The following ARHGEF33 variants were observed in gnomAD, a reference collection of about 807,000 sequenced individuals.
ARHGEF33 encodes Rho guanine nucleotide exchange factor 33.
ARHGEF33 carries 72 observed loss-of-function variants against 101.9 expected under a neutral mutation model. That is an observed-to-expected ratio of 0.71 (90% CI 0.58 to 0.86). ARHGEF33 has a LOEUF of 0.86. Ranked by LOEUF, ARHGEF33 falls within the 40% of genes least tolerant of loss-of-function variation. ARHGEF33 has a pLI of 0.00. For synonymous variants in ARHGEF33, 499 were observed against 442.5 expected (o/e 1.13, Z -1.60); for missense variants, 1,169 against 1,111.3 (o/e 1.05, Z -0.74).
intron 2 of ARHGEF33, among the ~76,000 whole-genome samples, chr2:38,915,274 A>C (rs1170364309): frequency 2.6e-5 from 4 of 152,182 alleles, no homozygotes; most frequent in Non-Finnish European, 5.9e-5. Context: ...AAAAATATTA[A>C]CAGGCAATAC....
At position 38,960,387 on chromosome 2, in the gene ARHGEF33, G is replaced by C; in HGVS notation, c.2082G>C (p.Ala694=). The part of the protein sequence containing the change: ...AGSSSAYKLE[A]AAQAHGKAKP... The stretch of plus-strand genomic sequence containing the variant: ...GCAGCAGCGCCTACAAACTGGAGGC[G>C]GCGGCGCAGGCGCACGGCAAGGCCA... The change falls in exon 16 of 18, where the codon GCG becomes GCC. Residue 694 remains alanine (A), a synonymous_variant. Transcript: ENST00000409978. 5 of 1,510,656 alleles carry C rather than the reference G, an allele frequency of 3.3e-6. No homozygotes were observed. Among genetic ancestry groups the C allele is most frequent in the Non-Finnish European group, 4.4e-6 (5 of 1,135,688 alleles). 93.6% of individuals were successfully genotyped at this position (1,510,656 alleles called of 1,614,324 possible).
At chr2:38,944,981 C>G (rs1252334312) in intron 10 of ARHGEF33, among the ~76,000 whole-genome samples, 2 of 151,756 alleles carry the variant, frequency 1.3e-5, no homozygotes. Flanking sequence ...TGTTCATAGT[C>G]TAGATTTTTT....
intron 17 of ARHGEF33, among the ~76,000 whole-genome samples, chr2:38,966,433 A>G (rs566899386): frequency 4.6e-5 from 7 of 152,278 alleles, no homozygotes; most frequent in Admixed American, 1.3e-4. Flanking sequence ...GGTTCCCTTG[A>G]GAAATGAGCT....
At chr2:38,943,812 A>G (rs567767936) in intron 9 of ARHGEF33, 89 bp from the exon 10 acceptor site, 3 of 1,330,986 alleles carry the variant, frequency 2.3e-6, no homozygotes, top group Admixed American at 2.7e-5. Flanking sequence ...ATTGCTTTCA[A>G]TATCCTTTTA....
At chr2:38,905,781 C>T (rs2124982629) in intron 2 of ARHGEF33, among the ~76,000 whole-genome samples, 1 of 152,176 alleles carries the variant, frequency 6.6e-6, no homozygotes, top group South Asian at 2.1e-4. Flanking sequence ...GCGTGTGTGC[C>T]CTGTTAGATC....
chr2:38,897,849 G>A (rs193129199), intron 2 of ARHGEF33, among the ~76,000 whole-genome samples: 1 of 152,198 alleles, frequency 6.6e-6, no homozygotes, highest in African/African-American at 2.4e-5. Flanking sequence ...CTAGCCTGGT[G>A]CAGGGGAAGG....
chr2:38,961,247 T>A (rs1322938400), intron 16 of ARHGEF33, among the ~76,000 whole-genome samples: 1 of 152,222 alleles, frequency 6.6e-6, no homozygotes, highest in African/African-American at 2.4e-5. Flanking sequence ...GCTTTTCTTT[T>A]GACTGGAAAA....
chr2:38,951,748 A>G (rs982050538), intron 11 of ARHGEF33, among the ~76,000 whole-genome samples: 2 of 151,942 alleles, frequency 1.3e-5, no homozygotes, highest in Non-Finnish European at 2.9e-5. Context: ...ACATGCATAT[A>G]TATATACACA....
At chr2:38,949,154 C>A (rs1039024775) in intron 10 of ARHGEF33, among the ~76,000 whole-genome samples, 26 of 152,128 alleles carry the variant, frequency 1.7e-4, no homozygotes, top group Non-Finnish European at 3.2e-4. Context: ...TTGAAAAAAA[C>A]CTCCTCTCGA....
intron 16 of ARHGEF33, among the ~76,000 whole-genome samples, chr2:38,962,951 G>A (rs1341425072): frequency 6.6e-6 from 1 of 151,358 alleles, no homozygotes; most frequent in African/African-American, 2.4e-5. Flanking sequence ...GTGAACCCGG[G>A]AGGTGGAGCT....
intron 11 of ARHGEF33, 34 bp downstream of exon 11, chr2:38,951,155 TTATACGGA>T: frequency 6.5e-7 from 1 of 1,544,052 alleles, no homozygotes; most frequent in South Asian, 1.2e-5. Context: ...TACATTTTAC[TTATACGGA>T]TTTGTGTCTC....
At chr2:38,910,966 A>G (rs747592013) in intron 2 of ARHGEF33, among the ~76,000 whole-genome samples, 1 of 152,198 alleles carries the variant, frequency 6.6e-6, no homozygotes, top group Non-Finnish European at 1.5e-5. Context: ...CTTTGGGCAA[A>G]TAATTTGTAT....
chr2:38,913,727 G>T (rs1408627422), intron 2 of ARHGEF33, among the ~76,000 whole-genome samples: 1 of 151,006 alleles, frequency 6.6e-6, no homozygotes, highest in Non-Finnish European at 1.5e-5. Flanking sequence ...AGTGAACCGA[G>T]ATCATGCCAC....
At chr2:38,909,691 A>G (rs1306231329) in intron 2 of ARHGEF33, among the ~76,000 whole-genome samples, 2 of 138,404 alleles carry the variant, frequency 1.4e-5, no homozygotes, top group African/African-American at 2.6e-5. Context: ...TTAAATTGCT[A>G]TGTATTCAAG....
At chr2:38,928,771 A>G (rs1666929340) in intron 4 of ARHGEF33, 136 bp from the exon 5 acceptor site, 2 of 741,660 alleles carry the variant, frequency 2.7e-6, no homozygotes, top group South Asian at 4.6e-5. Flanking sequence ...AGTTGTCCAA[A>G]GTGAAGTACA....
intron 17 of ARHGEF33, among the ~76,000 whole-genome samples, chr2:38,972,495 A>G (rs536497408): frequency 4.1e-4 from 63 of 152,324 alleles, no homozygotes; most frequent in Admixed American, 3.7e-3. Context: ...AACCAGAAGT[A>G]GAAAGCATGG....
At chr2:38,960,950 C>G (rs1667921104) in intron 16 of ARHGEF33, among the ~76,000 whole-genome samples, 1 of 152,208 alleles carries the variant, frequency 6.6e-6, no homozygotes, top group South Asian at 2.1e-4. Context: ...GCCCGCCACT[C>G]TTTAGACCTG....
intron 9 of ARHGEF33, among the ~76,000 whole-genome samples, chr2:38,941,629 C>A (rs953606655): frequency 2.0e-5 from 3 of 151,498 alleles, no homozygotes; most frequent in African/African-American, 7.3e-5. Flanking sequence ...CCCACTGCAA[C>A]CTCTGGCTGC....
Position 38,967,742 on chromosome 2 carries a change from A to AT in ARHGEF33, c.2483+1615dup, listed in dbSNP as rs546430517. On this transcript the variant is annotated intron_variant, in intron 17 of 17. Coordinates refer to ENST00000409978, the MANE Select transcript of ARHGEF33 (RefSeq NM_001145451.5). ...AGGTGCCCGCCACCACGCCCTGGCT[A>AT]TTTTTTTTTTTTTTTTTTGTAGAGA... is the stretch of plus-strand genomic sequence containing the variant. Among the ~76,000 whole-genome samples the AT allele has an allele frequency of 3.2e-3, 414 of 128,326 alleles. 3 individuals are homozygous for AT. The highest frequency in any genetic ancestry group is 0.027 in the Middle Eastern group (7 of 258). 84.2% of individuals were successfully genotyped at this position (128,326 alleles called of 152,430 possible). A position where few individuals can be genotyped will look rare whatever the true frequency, so the allele number is the denominator to read the frequency against.
Sources: allele counts gnomAD v4.1 joint callset (sites outside exome capture counted in the v4.1 genomes callset), GRCh38; gene constraint gnomAD v4.1.1; transcripts MANE v1.5; gene names NCBI Gene and HGNC (gene_info 2026-07-23, HGNC 2026-07-21).